The following PPIP5K2 variants were observed in gnomAD, a reference collection of about 807,000 sequenced individuals.
PPIP5K2 encodes inositol hexakisphosphate and diphosphoinositol-pentakisphosphate kinase 2.
A neutral mutation model predicts 154.6 loss-of-function variants in PPIP5K2; 105 were observed. That is an observed-to-expected ratio of 0.68 (90% CI 0.58 to 0.80). PPIP5K2 has a LOEUF of 0.80. PPIP5K2 is among the 30% of genes least tolerant of loss of function. PPIP5K2 has a pLI of 0.00. For synonymous variants in PPIP5K2, 480 were observed against 490.3 expected, an observed-to-expected ratio of 0.98 and a Z score of 0.28; for missense variants, 992 against 1,504.6, an observed-to-expected ratio of 0.66 and a Z score of 5.64.
chr5:103,180,862 A>C (rs1338117776), intron 24 of PPIP5K2, among the ~76,000 whole-genome samples: 9 of 151,728 alleles, frequency 5.9e-5, no homozygotes, highest in African/African-American at 2.2e-4. Flanking sequence ...AAAAAAAAAA[A>C]AAAGTAGAGA....
At position 103,152,763 on chromosome 5, in the gene PPIP5K2, A is replaced by C. The variant is rs1554211757; in HGVS notation, c.1130+14A>C. ...ATCTGGAACTATGTAAGTCTGAATT[A>C]TTTTCATTTAGAAATTGAGTTTTCC... is the stretch of plus-strand genomic sequence containing the variant. On this transcript the variant is annotated intron_variant, in intron 10 of 30. Transcript: ENST00000358359. 5 of 1,491,760 alleles carry C rather than the reference A, an allele frequency of 3.4e-6. No homozygotes were observed. The highest frequency in any genetic ancestry group is 1.8e-5 in the Admixed American group (1 of 54,800). 92.4% of individuals were successfully genotyped at this position (1,491,760 alleles called of 1,614,324 possible).
chr5:103,138,092 C>CTGAA (rs1791876054), intron 4 of PPIP5K2, among the ~76,000 whole-genome samples: 1 of 152,102 alleles, frequency 6.6e-6, no homozygotes, highest in Non-Finnish European at 1.5e-5. Context: ...ATAATATCAA[C>CTGAA]TTTATTCAGC....
rs1442816701 is a variant in PPIP5K2 at position 103,207,746 on chromosome 5, T to C, written c.*6112T>C. The C allele has an allele frequency of 1.3e-5, 2 of 152,150 alleles. No individual in the cohort carries two copies. Among genetic ancestry groups the C allele is most frequent in the Admixed American group, 1.3e-4 (2 of 15,266 alleles). The allele number at this position is 152,150 out of a possible 1,614,324, so 9.4% of individuals were successfully genotyped here. Reference sequence around the variant, plus strand: ...ATTTCCTTTGGTTGTTTTGCTATGGTGTTTCTGATCAACTACATTTCTTTA... The same window carrying C: ...ATTTCCTTTGGTTGTTTTGCTATGGCGTTTCTGATCAACTACATTTCTTTA... On this transcript the variant is annotated 3_prime_UTR_variant, in exon 31 of 31. Coordinates refer to ENST00000358359, the MANE Select transcript of PPIP5K2 (RefSeq NM_001276277.3).
chr5:103,202,003 C>T lies in PPIP5K2; in HGVS notation c.*369C>T, dbSNP rs1803097102. The T allele has an allele frequency of 6.2e-6, 1 of 160,646 alleles. No homozygotes were observed. Among genetic ancestry groups the T allele is most frequent in the Non-Finnish European group, 1.4e-5 (1 of 73,846 alleles). The allele number at this position is 160,646 out of a possible 1,614,324, so 10.0% of individuals were successfully genotyped here. A position where few individuals can be genotyped will look rare whatever the true frequency, so the allele number is the denominator to read the frequency against. On this transcript the variant is annotated 3_prime_UTR_variant, in exon 31 of 31. Coordinates refer to ENST00000358359, the MANE Select transcript of PPIP5K2 (RefSeq NM_001276277.3). The stretch of plus-strand genomic sequence containing the variant: ...CACTTTTATTTTCATGGGATTGCAT[C>T]TTAGCTGTTAAAACTTCTAGATTGA...
intron 17 of PPIP5K2, among the ~76,000 whole-genome samples, chr5:103,162,422 G>C (rs1344638585): frequency 2.0e-5 from 3 of 151,410 alleles, no homozygotes; most frequent in Non-Finnish European, 4.4e-5. Context: ...GAGTGCAGTG[G>C]TGTGATCATA....
intron 3 of PPIP5K2, among the ~76,000 whole-genome samples, chr5:103,134,635 C>T (rs1791163617): frequency 6.6e-6 from 1 of 152,146 alleles, no homozygotes; most frequent in African/African-American, 2.4e-5. Context: ...CTTACCCTCA[C>T]ATGGTTCTTC....
chr5:103,154,977 C>A, intron 13 of PPIP5K2, 34 bp downstream of exon 13: 2 of 1,221,786 alleles, frequency 1.6e-6, no homozygotes, highest in Non-Finnish European at 2.3e-6. Flanking sequence ...AATTGTGGTA[C>A]TACATATAGC....
At chr5:103,195,157 A>G in intron 30 of PPIP5K2, 132 bp downstream of exon 30, 1 of 1,136,862 alleles carries the variant, frequency 8.8e-7, no homozygotes, top group South Asian at 2.1e-5. Flanking sequence ...CCTAAGGGTT[A>G]AAAATCGATT....
At position 103,204,174 on chromosome 5, in the gene PPIP5K2, A is replaced by T. The variant is rs1803355037; in HGVS notation, c.*2540A>T. The stretch of plus-strand genomic sequence containing the variant: ...GTTAACTAGTGCCATGCCAGTTTGA[A>T]CCAAGATTTCACATTTTTGTTTTGT... On this transcript the variant is annotated 3_prime_UTR_variant, in exon 31 of 31. Coordinates refer to ENST00000358359, the MANE Select transcript of PPIP5K2 (RefSeq NM_001276277.3). 1 of 152,186 alleles carries T rather than the reference A, an allele frequency of 6.6e-6. No homozygotes were observed. Among genetic ancestry groups the T allele is most frequent in the Non-Finnish European group, 1.5e-5 (1 of 68,034 alleles). The allele number at this position is 152,186 out of a possible 1,614,324, so 9.4% of individuals were successfully genotyped here.
intron 28 of PPIP5K2, among the ~76,000 whole-genome samples, chr5:103,189,423 A>G (rs1474951897): frequency 1.3e-5 from 2 of 152,120 alleles, no homozygotes; most frequent in Admixed American, 6.6e-5. Flanking sequence ...GCTATAAAAG[A>G]TTTATAAACT....
rs1309245600 is a variant in PPIP5K2 at position 103,184,701 on chromosome 5, A to T, written c.3126A>T (p.Arg1042Ser). ...TATCTGAAAATGCTAATTACCTGAG[A>T]ACACCAAGAACTCTTGTGGAACAGA... ...QVVSENANYL[R>S]TPRTLVEQKQ... The change falls in exon 26 of 31, where the codon AGA becomes AGT. Residue 1042 changes from arginine to serine, a missense_variant. By Grantham distance (110) the Arg-to-Ser change is moderately radical. Transcript: ENST00000358359. 1.2e-6 allele frequency: 2 copies of T among 1,612,692 alleles called. No homozygotes were observed. Among genetic ancestry groups the T allele is most frequent in the African/African-American group, 2.7e-5 (2 of 74,862 alleles).
intron 18 of PPIP5K2, among the ~76,000 whole-genome samples, chr5:103,167,730 C>A (rs1427512904): frequency 6.6e-6 from 1 of 151,684 alleles, no homozygotes; most frequent in African/African-American, 2.4e-5. Context: ...GTCTAATGTT[C>A]CTCTGCTAGT....
rs369919281 is a variant in PPIP5K2, at chr5:103,206,299, G to A, written c.*4665G>A. The stretch of plus-strand genomic sequence containing the variant: ...GTTTTCTCTCGTGTTAACAATAATT[G>A]CTGTCGGTTTCAGTGAGGACTACAT... On this transcript the variant is annotated 3_prime_UTR_variant, in exon 31 of 31. Transcript: ENST00000358359. 15 of 152,098 alleles carry A rather than the reference G, an allele frequency of 9.9e-5. No homozygotes were observed. Among genetic ancestry groups the A allele is most frequent in the African/African-American group, 3.6e-4 (15 of 41,414 alleles). 9.4% of individuals were successfully genotyped at this position (152,098 alleles called of 1,614,324 possible). A position where few individuals can be genotyped will look rare whatever the true frequency, so the allele number is the denominator to read the frequency against.
intron 26 of PPIP5K2, among the ~76,000 whole-genome samples, chr5:103,185,621 T>G (rs1800248999): frequency 6.6e-6 from 1 of 152,056 alleles, no homozygotes; most frequent in Admixed American, 6.6e-5. Context: ...GATGAAAGTG[T>G]TATTTGGATG....
chr5:103,168,562 G>A (rs1179192414), intron 19 of PPIP5K2, among the ~76,000 whole-genome samples: 1 of 151,694 alleles, frequency 6.6e-6, no homozygotes, highest in Non-Finnish European at 1.5e-5. Context: ...AAATCAAACA[G>A]AAGGTACAAA....
In PPIP5K2 at chr5:103,197,951, A is replaced by G. The variant is rs148486822; in HGVS notation, c.3619+2926A>G. On this transcript the variant is annotated intron_variant, in intron 30 of 30. Coordinates refer to ENST00000358359, the MANE Select transcript of PPIP5K2 (RefSeq NM_001276277.3). ...TTTTAAAAATTATTTTCTACATCCT[A>G]CTTACTTTGGGTTTACTTTTATCCT... 6.8e-3 allele frequency among the ~76,000 whole-genome samples: 1,038 copies of G among 151,980 alleles called. 5 individuals are homozygous for G. The highest frequency in any genetic ancestry group is 9.2e-3 in the African/African-American group (381 of 41,500).
intron 30 of PPIP5K2, among the ~76,000 whole-genome samples, chr5:103,197,275 AATTAAT>A (rs1802236398): frequency 6.6e-6 from 1 of 151,994 alleles, no homozygotes; most frequent in African/African-American, 2.4e-5. Context: ...TGTTTGATAG[AATTAAT>A]TTTATATCAA....
intron 1 of PPIP5K2, among the ~76,000 whole-genome samples, chr5:103,126,598 T>C (rs572989514): frequency 6.6e-6 from 1 of 152,234 alleles, no homozygotes; most frequent in African/African-American, 2.4e-5. Context: ...GGTCCCACAA[T>C]AGGCCATGTG....
chr5:103,177,850 G>C lies in PPIP5K2; in HGVS notation c.2638-14G>C. On this transcript the variant is annotated splice_polypyrimidine_tract_variant and intron_variant, in intron 22 of 30. Coordinates refer to ENST00000358359, the MANE Select transcript of PPIP5K2 (RefSeq NM_001276277.3). ...AAGTTTCTCATTTTGAAAATGTTCT[G>C]TCATATTTCTTAGGATCTTTCCTCA... The C allele has an allele frequency of 6.2e-7, 1 of 1,604,902 alleles. No individual in the cohort carries two copies. Among genetic ancestry groups the C allele is most frequent in the East Asian group, 2.2e-5 (1 of 44,722 alleles).
Sources: gnomAD v4.1 joint callset for allele counts (sites outside exome capture counted in the v4.1 genomes callset) on GRCh38, gnomAD v4.1.1 for gene constraint, MANE v1.5 for transcripts, NCBI Gene and HGNC (gene_info 2026-07-23, HGNC 2026-07-21) for gene names.